The following RABGEF1 variants were observed in gnomAD, a reference collection of about 807,000 sequenced individuals.
The protein encoded by RABGEF1 is rab5 GDP/GTP exchange factor.
In RABGEF1, 26 loss-of-function variants were observed where a neutral mutation model predicts 57.3. The ratio of observed to expected loss-of-function variants is 0.45; its 90% CI spans 0.33 to 0.63. The LOEUF (loss-of-function observed/expected upper bound fraction) is 0.63. Among genes scored for constraint, RABGEF1 ranks in the 20% least tolerant of loss-of-function variants. The pLI, the probability that RABGEF1 is intolerant of heterozygous loss-of-function variation, is 0.02. For synonymous variants in RABGEF1, 185 were observed against 210.7 expected, an observed-to-expected ratio of 0.88 and a Z score of 1.06; for missense variants, 464 against 607.6, an observed-to-expected ratio of 0.76 and a Z score of 2.48.
chr7:66,777,599 C>T (rs2129128400), intron 3 of RABGEF1, among the ~76,000 whole-genome samples: 1 of 152,170 alleles, frequency 6.6e-6, no homozygotes. Context: ...AGAAAATTTA[C>T]AATTCAATGC....
chr7:66,714,733 T>C (rs779069015), intron 2 of RABGEF1, among the ~76,000 whole-genome samples: 1 of 152,034 alleles, frequency 6.6e-6, no homozygotes, highest in Non-Finnish European at 1.5e-5. Flanking sequence ...CAGGAGATCA[T>C]GACCATCCTG....
chr7:66,798,750 G>A (rs1177837493), intron 6 of RABGEF1, among the ~76,000 whole-genome samples: 1 of 152,176 alleles, frequency 6.6e-6, no homozygotes, highest in African/African-American at 2.4e-5. Flanking sequence ...GATCACCTGA[G>A]GTCAGGAGTT....
At chr7:66,658,533 C>CAAAAAAAA in the RABGEF1 span, among the ~76,000 whole-genome samples, 1 of 75,562 alleles carries the variant, frequency 1.3e-5, no homozygotes, top group African/African-American at 5.4e-5. Context: ...ACTTCGTCTC[C>CAAAAAAAA]AAAAAAAAAA....
chr7:66,738,024 T>G (rs1240022862), upstream of RABGEF1, among the ~76,000 whole-genome samples: 24 of 99,228 alleles, frequency 2.4e-4, 1 homozygote, highest in South Asian at 1.8e-3. Flanking sequence ...GTTTTTTTTG[T>G]TTTTTTTTTT....
chr7:66,663,596 G>A, the RABGEF1 span, among the ~76,000 whole-genome samples: 1 of 138,160 alleles, frequency 7.2e-6, no homozygotes, highest in African/African-American at 2.7e-5. Context: ...TAAAACTAGT[G>A]TGGGGGAGGG....
chr7:66,742,813 C>A (rs938085090), intron 1 of RABGEF1, among the ~76,000 whole-genome samples: 1 of 152,122 alleles, frequency 6.6e-6, no homozygotes, highest in Non-Finnish European at 1.5e-5. Flanking sequence ...TGCTGTGTTG[C>A]CCTGGCTGAT....
intron 1 of RABGEF1, among the ~76,000 whole-genome samples, chr7:66,685,254 A>C (rs1433844337): frequency 1.3e-5 from 2 of 148,990 alleles, no homozygotes; most frequent in Non-Finnish European, 3.0e-5. Flanking sequence ...CCTGGGTTCA[A>C]GTGATTCGCC....
intron 1 of RABGEF1, among the ~76,000 whole-genome samples, chr7:66,751,110 A>C (rs1801322986): frequency 6.7e-6 from 1 of 149,784 alleles, no homozygotes; most frequent in African/African-American, 2.5e-5. Flanking sequence ...GGCTCACTGC[A>C]ACCTCCACCT....
the RABGEF1 span, among the ~76,000 whole-genome samples, chr7:66,659,467 A>G: frequency 6.6e-6 from 1 of 151,026 alleles, no homozygotes; most frequent in Non-Finnish European, 1.5e-5. Context: ...AAAAAAAAGA[A>G]AAAAGAAAAA....
At chr7:66,738,120 A>G (rs949184118), upstream of RABGEF1, among the ~76,000 whole-genome samples, 5 of 150,650 alleles carry the variant, frequency 3.3e-5, no homozygotes, top group Admixed American at 2.0e-4. Context: ...TGCCAGGCTC[A>G]TGTGATCCTA....
chr7:66,770,386 C>T (rs1343354827), intron 1 of RABGEF1: 4 of 152,030 alleles, frequency 2.6e-5, no homozygotes, highest in African/African-American at 7.2e-5. Flanking sequence ...TGTTGCATAG[C>T]GATTTACCAT....
the RABGEF1 span, among the ~76,000 whole-genome samples, chr7:66,674,352 G>T: frequency 5.3e-5 from 8 of 151,928 alleles, no homozygotes; most frequent in Non-Finnish European, 1.2e-4. Context: ...ACCACACCTG[G>T]CTGATTTTTT....
intron 1 of RABGEF1, among the ~76,000 whole-genome samples, chr7:66,745,355 C>T (rs1346334351): frequency 6.6e-6 from 1 of 152,164 alleles, no homozygotes; most frequent in Non-Finnish European, 1.5e-5. Flanking sequence ...GCAGAGGAAA[C>T]ATCTCTAGCA....
the RABGEF1 span, among the ~76,000 whole-genome samples, chr7:66,655,149 TC>T: frequency 6.6e-6 from 1 of 152,128 alleles, no homozygotes; most frequent in Non-Finnish European, 1.5e-5. Context: ...GACAGAAGCG[TC>T]CCGGAGTTGG....
intron 1 of RABGEF1, among the ~76,000 whole-genome samples, chr7:66,702,372 T>A (rs1793422354): frequency 6.6e-6 from 1 of 151,786 alleles, no homozygotes; most frequent in Admixed American, 6.6e-5. Context: ...TGTGTGTGTG[T>A]GTGTGTGTGT....
chr7:66,780,984 A>T (rs527631832), intron 3 of RABGEF1, among the ~76,000 whole-genome samples: 6 of 152,140 alleles, frequency 3.9e-5, no homozygotes, highest in Non-Finnish European at 7.3e-5. Context: ...TTTTTAACCT[A>T]ATCTGATAAT....
intron 1 of RABGEF1, among the ~76,000 whole-genome samples, chr7:66,685,736 A>T (rs1790524333): frequency 6.6e-6 from 1 of 152,138 alleles, no homozygotes. Flanking sequence ...ACCAGTACTT[A>T]CTCATTGTGA....
chr7:66,664,168 A>G, the RABGEF1 span, among the ~76,000 whole-genome samples: 1 of 152,146 alleles, frequency 6.6e-6, no homozygotes, highest in Non-Finnish European at 1.5e-5. Flanking sequence ...GATCCACAGA[A>G]AGGTCATCGG....
chr7:66,756,765 T>TA (rs2129072728), intron 1 of RABGEF1, among the ~76,000 whole-genome samples: 1 of 152,314 alleles, frequency 6.6e-6, no homozygotes, highest in Non-Finnish European at 1.5e-5. Context: ...TGTTTGTCTC[T>TA]AAAATCTTTA....
Sources: gnomAD v4.1 joint callset for allele counts (sites outside exome capture counted in the v4.1 genomes callset) on GRCh38, gnomAD v4.1.1 for gene constraint, MANE v1.5 for transcripts, NCBI Gene and HGNC (gene_info 2026-07-23, HGNC 2026-07-21) for gene names.